Variants in TEX30 observed in about 807,000 individuals in gnomAD.
The protein encoded by TEX30 is testis-expressed protein 30.
In TEX30, 14 loss-of-function variants were observed where a neutral mutation model predicts 23.8. That is an observed-to-expected ratio of 0.59 (90% CI 0.39 to 0.92). TEX30 has a LOEUF of 0.92. Among genes scored for constraint, TEX30 ranks in the 40% least tolerant of loss-of-function variants. The probability of loss-of-function intolerance (pLI) is 0.00; values close to 1 mark genes in which losing one functional copy is unlikely to be tolerated. For synonymous variants in TEX30, 78 were observed against 90.2 expected, an observed-to-expected ratio of 0.87 and a Z score of 0.76; for missense variants, 246 against 270.6, an observed-to-expected ratio of 0.91 and a Z score of 0.64.
rs1877140405 is a variant in TEX30 at position 102,769,363 on chromosome 13, G to T, written c.194C>A (p.Thr65Asn). The T allele has an allele frequency of 1.2e-6, 2 of 1,602,370 alleles. No individual in the cohort carries two copies. The highest frequency in any genetic ancestry group is 2.7e-5 in the African/African-American group (2 of 74,278). ...ASHGFFCLRF[T>N]CKGLNIVHRI... ...ATGTACAATATTAAGGCCTTTACAG[G>T]TAAATCTCAGGCAGAAAAACCCATG... The change falls in exon 3 of 6, where the codon ACC becomes AAC. Residue 65 changes from threonine to asparagine, a missense_variant. By Grantham distance (65) the Thr-to-Asn change is moderately conservative. Coordinates refer to ENST00000376032, the MANE Select transcript of TEX30 (RefSeq NM_138779.5).
chr13:102,767,774 A>G (rs1280287154), intron 4 of TEX30, among the ~76,000 whole-genome samples: 2 of 152,114 alleles, frequency 1.3e-5, no homozygotes, highest in Non-Finnish European at 2.9e-5. Flanking sequence ...TTAGCCAGGC[A>G]TGGTGGTGCA....
intron 1 of TEX30, among the ~76,000 whole-genome samples, chr13:102,771,999 G>C (rs1877355860): frequency 6.6e-6 from 1 of 152,200 alleles, no homozygotes; most frequent in Admixed American, 6.5e-5. Flanking sequence ...CTATTTGATT[G>C]CCAGCGTTTC....
chr13:102,772,776 A>T (rs1877414511), intron 1 of TEX30, among the ~76,000 whole-genome samples: 1 of 152,134 alleles, frequency 6.6e-6, no homozygotes, highest in African/African-American at 2.4e-5. Flanking sequence ...CATGTTGGCC[A>T]GGCTGGTTTT....
intron 3 of TEX30, among the ~76,000 whole-genome samples, chr13:102,768,693 G>C (rs1449343057): frequency 1.3e-5 from 2 of 152,142 alleles, no homozygotes; most frequent in African/African-American, 4.8e-5. Context: ...AAATTATTTA[G>C]ATCAGGGGTG....
chr13:102,766,290 G>T lies in TEX30; in HGVS notation c.*111C>A. ...CATTTAAAACGTGTTTCAAAAATAAGGGAACATTAAAGAACATCAAATTAG... is the reference window on the plus strand; with the variant it reads ...CATTTAAAACGTGTTTCAAAAATAATGGAACATTAAAGAACATCAAATTAG... On this transcript the variant is annotated 3_prime_UTR_variant, in exon 6 of 6. Coordinates refer to ENST00000376032, the MANE Select transcript of TEX30 (RefSeq NM_138779.5). The T allele has an allele frequency of 1.1e-6, 1 of 909,376 alleles. No homozygotes were observed. The highest frequency in any genetic ancestry group is 2.3e-5 in the South Asian group (1 of 43,590). The allele number at this position is 909,376 out of a possible 1,614,324, so 56.3% of individuals were successfully genotyped here.
chr13:102,773,220 G>C lies in TEX30; in HGVS notation c.-61+462C>G, dbSNP rs73570215. Among the ~76,000 whole-genome samples, 1,033 of 152,324 alleles carry C rather than the reference G, an allele frequency of 6.8e-3. 18 individuals are homozygous for C. The highest frequency in any genetic ancestry group is 0.024 in the African/African-American group (989 of 41,584). ...ACGTTGAGTCCGAGTCTTACGGGGG[G>C]TCGGGTCAACAACCCCAGCAAACAT... On this transcript the variant is annotated intron_variant, in intron 1 of 5. Transcript: ENST00000376032.
At position 102,767,433 on chromosome 13, in the gene TEX30, A is replaced by G. The variant is rs771748684; in HGVS notation, c.344T>C (p.Ile115Thr). ...SRAAASVMCH[I>T]EPDDGDDFVR... ...AAAATCATCACCATCATCTGGCTCA[A>G]TGTGACACATTACAGAAGCAGCTGC... is the stretch of plus-strand genomic sequence containing the variant. Residue 115 changes from isoleucine to threonine, a missense_variant, in exon 5 of 6, where the codon ATT becomes ACT. Physicochemically the swap from Ile to Thr is moderately conservative, Grantham distance 89. Transcript: ENST00000376032. 5.0e-6 allele frequency: 8 copies of G among 1,614,070 alleles called. No homozygotes were observed. The highest frequency in any genetic ancestry group is 1.7e-5 in the Admixed American group (1 of 60,012).
chr13:102,768,305 G>T lies in TEX30; in HGVS notation c.253C>A (p.Leu85Met). ...AGTTTGTATTCTCCTGATGTCTTCA[G>T]GTAATTCTAGAAAAATAAAAAAATC... ...IKAYKSVLNY[L>M]KTSGEYKLAG... is the part of the protein sequence containing the mutation. Residue 85 changes from leucine to methionine, a missense_variant, in exon 4 of 6, where the codon CTG becomes ATG. Transcript: ENST00000376032. 6.3e-7 allele frequency: 1 copy of T among 1,590,018 alleles called. No homozygotes were observed. Among genetic ancestry groups the T allele is most frequent in the Admixed American group, 1.8e-5 (1 of 56,150 alleles).
chr13:102,769,882 C>A (rs998354468), intron 2 of TEX30, 130 bp downstream of exon 2: 4 of 788,312 alleles, frequency 5.1e-6, no homozygotes, highest in Non-Finnish European at 7.3e-6. Flanking sequence ...CTAGATTCCT[C>A]GCTCTTAACC....
Position 102,766,061 on chromosome 13 carries a change from C to G in TEX30, c.*340G>C, listed in dbSNP as rs193035416. ...TAATGTTTTCCTTTTCTGAAGATAA[C>G]GCTGCTCTGCAAAATTTCTCAGTTG... On this transcript the variant is annotated 3_prime_UTR_variant, in exon 6 of 6. Coordinates refer to ENST00000376032, the MANE Select transcript of TEX30 (RefSeq NM_138779.5). 2.4e-5 allele frequency: 4 copies of G among 167,452 alleles called. No individual in the cohort carries two copies. Among genetic ancestry groups the G allele is most frequent in the African/African-American group, 9.6e-5 (4 of 41,770 alleles). The allele number at this position is 167,452 out of a possible 1,614,324, so 10.4% of individuals were successfully genotyped here.
Position 102,767,351 on chromosome 13 carries a change from T to C in TEX30, c.426A>G (p.Lys142=). ...YPLHHPKQQH[K]LRDEDLFRLK... ...AACGAAAGAGGTCTTCATCTCTGAG[T>C]TTATGCTGCTGCTTTGGATGGTGCA... Residue 142 remains lysine, a synonymous_variant, in exon 5 of 6, where the codon AAA becomes AAG. Coordinates refer to ENST00000376032, the MANE Select transcript of TEX30 (RefSeq NM_138779.5). The C allele has an allele frequency of 6.2e-7, 1 of 1,614,088 alleles. No homozygotes were observed. The highest frequency in any genetic ancestry group is 1.1e-5 in the South Asian group (1 of 91,082).
rs1385753778 is a variant in TEX30 at position 102,765,962 on chromosome 13, C to A, written c.*439G>T. The A allele has an allele frequency of 6.6e-6, 1 of 152,638 alleles. No individual in the cohort carries two copies. The highest frequency in any genetic ancestry group is 1.9e-4 in the East Asian group (1 of 5,206). 9.5% of individuals were successfully genotyped at this position (152,638 alleles called of 1,614,324 possible). A position where few individuals can be genotyped will look rare whatever the true frequency, so the allele number is the denominator to read the frequency against. On this transcript the variant is annotated 3_prime_UTR_variant, in exon 6 of 6. Transcript: ENST00000376032. ...ATTTGAAACATATGTCCACTCCTATCCTTTCATTGTGATTTATTAAAAGAT... is the reference window on the plus strand; with the variant it reads ...ATTTGAAACATATGTCCACTCCTATACTTTCATTGTGATTTATTAAAAGAT...
chr13:102,767,706 A>G (rs1424588542), intron 4 of TEX30, among the ~76,000 whole-genome samples: 1 of 152,142 alleles, frequency 6.6e-6, no homozygotes, highest in Admixed American at 6.5e-5. Context: ...TGAGGTCAAG[A>G]GTTTGAGACC....
rs999579853 is a variant in TEX30, at chr13:102,772,338, G to A, written c.-61+1344C>T. Among the ~76,000 whole-genome samples the A allele has an allele frequency of 2.0e-5, 3 of 152,012 alleles. No individual in the cohort carries two copies. The East Asian group carries it at 5.8e-4, about 29-fold the overall frequency. On this transcript the variant is annotated intron_variant, in intron 1 of 5. Coordinates refer to ENST00000376032, the MANE Select transcript of TEX30 (RefSeq NM_138779.5). Reference sequence around the variant, plus strand: ...TTTTAAATGTTTTTGTAGAGACGAGGGTCTCCCTATGTTTCGCAGGCTGGT... The same window carrying A: ...TTTTAAATGTTTTTGTAGAGACGAGAGTCTCCCTATGTTTCGCAGGCTGGT...
intron 1 of TEX30, among the ~76,000 whole-genome samples, chr13:102,773,142 T>C (rs1877445692): frequency 6.6e-6 from 1 of 152,250 alleles, no homozygotes; most frequent in African/African-American, 2.4e-5. Flanking sequence ...TTACAAACGT[T>C]CGTGCCCTGT....
chr13:102,770,521 A>C (rs1054529666), intron 1 of TEX30, among the ~76,000 whole-genome samples: 2 of 152,230 alleles, frequency 1.3e-5, no homozygotes, highest in Admixed American at 1.3e-4. Context: ...GGAACTTCAC[A>C]GTGCTGCTAG....
At chr13:102,773,003 T>G (rs1182812586) in intron 1 of TEX30, among the ~76,000 whole-genome samples, 1 of 152,248 alleles carries the variant, frequency 6.6e-6, no homozygotes, top group Non-Finnish European at 1.5e-5. Context: ...CCAGCTCTAG[T>G]GGCGTCCGGA....
chr13:102,769,513 T>C lies in TEX30; in HGVS notation c.44A>G (p.Lys15Arg). 2.5e-6 allele frequency: 4 copies of C among 1,596,540 alleles called. No homozygotes were observed. The highest frequency in any genetic ancestry group is 3.4e-6 in the Non-Finnish European group (4 of 1,173,846). ...TACCAAACAAACAGCATCTAGTAAT[T>C]TATTTCCAAAAGGTATTTTTAATTT... ...EVKLKIPFGN[K>R]LLDAVCLVPN... The change falls in exon 3 of 6, where the codon AAA becomes AGA. Residue 15 changes from lysine (K) to arginine (R), a missense_variant. Transcript: ENST00000376032.
rs765734836 is a variant in TEX30 at position 102,767,328 on chromosome 13, C to A, written c.449G>T (p.Arg150Leu). 1 of 1,613,890 alleles carries A rather than the reference C, an allele frequency of 6.2e-7. No homozygotes were observed. The highest frequency in any genetic ancestry group is 8.5e-7 in the Non-Finnish European group (1 of 1,180,022). The change falls in exon 5 of 6, where the codon CGT becomes CTT. Residue 150 changes from arginine to leucine, a missense_variant. Transcript: ENST00000376032. ...QHKLRDEDLF[R>L]LKEPVLFVSG... ...CACAAACAGTACAGGCTCTTTTAAA[C>A]GAAAGAGGTCTTCATCTCTGAGTTT...
Sources: allele counts gnomAD v4.1 joint callset (sites outside exome capture counted in the v4.1 genomes callset), GRCh38; gene constraint gnomAD v4.1.1; transcripts MANE v1.5; gene names NCBI Gene and HGNC (gene_info 2026-07-23, HGNC 2026-07-21).